OSBPL10: variants seen among roughly 807,000 people sequenced by gnomAD.
OSBPL10 encodes the protein oxysterol-binding protein-related protein 10.
Under a neutral mutation model 81.7 loss-of-function variants are expected in OSBPL10, and 49 were observed. That is an observed-to-expected ratio of 0.60 (90% CI 0.48 to 0.76). The LOEUF is 0.76. Ranked by LOEUF, OSBPL10 falls within the 30% of genes least tolerant of loss-of-function variation. The pLI is 0.00. For missense variants in OSBPL10, 923 were observed against 987.8 expected, an observed-to-expected ratio of 0.93 and a Z score of 0.88; for synonymous variants, 419 against 383.6, an observed-to-expected ratio of 1.09 and a Z score of -1.08.
At chr3:31,776,940 G>A (rs1163633427) in intron 4 of OSBPL10, among the ~76,000 whole-genome samples, 1 of 151,982 alleles carries the variant, frequency 6.6e-6, no homozygotes, top group Admixed American at 6.6e-5. Flanking sequence ...ATATTTTAGG[G>A]AATTTCACCT....
chr3:31,662,573 CATCA>C (rs1159616052), intron 11 of OSBPL10: 43 of 977,054 alleles, frequency 4.4e-5, no homozygotes, highest in Non-Finnish European at 5.1e-5. Flanking sequence ...CAAGAAACAC[CATCA>C]ATCAAATATC....
intron 1 of OSBPL10, among the ~76,000 whole-genome samples, chr3:31,937,339 C>G (rs1217840469): frequency 6.6e-6 from 1 of 151,910 alleles, no homozygotes; most frequent in Non-Finnish European, 1.5e-5. Context: ...TCATAAAGAG[C>G]CTTTTCTTGC....
At chr3:31,894,300 G>C (rs1281289737) in intron 1 of OSBPL10, among the ~76,000 whole-genome samples, 2 of 152,150 alleles carry the variant, frequency 1.3e-5, no homozygotes, top group African/African-American at 4.8e-5. Flanking sequence ...GAGGAACAAG[G>C]AGGACAAGGG....
At chr3:31,731,592 G>C (rs774615803) in intron 6 of OSBPL10, among the ~76,000 whole-genome samples, 1 of 151,658 alleles carries the variant, frequency 6.6e-6, no homozygotes, top group African/African-American at 2.4e-5. Flanking sequence ...GGGTTGAAGC[G>C]ATTCTCCTGC....
intron 6 of OSBPL10, among the ~76,000 whole-genome samples, chr3:31,730,470 T>C (rs977756566): frequency 1.3e-5 from 2 of 152,238 alleles, no homozygotes; most frequent in Non-Finnish European, 2.9e-5. Flanking sequence ...GAAAACCTTT[T>C]TCTATCTTGA....
intron 3 of OSBPL10, among the ~76,000 whole-genome samples, chr3:31,865,601 A>G (rs1042962320): frequency 1.3e-5 from 2 of 152,320 alleles, no homozygotes; most frequent in African/African-American, 4.8e-5. Context: ...TTAGGTCATG[A>G]AAGAGCTCAT....
rs144716667 is a variant in OSBPL10, at chr3:31,702,415, G to T, written c.1189C>A (p.Arg397Ser). ...ETELGVMEDQ[R>S]SIILHLISQL... The stretch of plus-strand genomic sequence containing the variant: ...GAAATGAGATGAAGAATTATACTAC[G>T]CTGATCCTCCATGACGCCCAATTCC... Residue 397 changes from arginine (R) to serine (S), a missense_variant, in exon 7 of 12, where the codon CGT (arginine) becomes AGT (serine). Around this residue, in one of 3 missense-constraint regions of OSBPL10, gnomAD observed 514 missense variants for 508.0 expected, o/e 1.01. Coordinates refer to ENST00000396556, the MANE Select transcript of OSBPL10 (RefSeq NM_017784.5). 6.2e-7 allele frequency: 1 copy of T among 1,614,122 alleles called. No homozygotes were observed. The highest frequency in any genetic ancestry group is 2.2e-5 in the East Asian group (1 of 44,880).
chr3:31,831,406 CAA>C (rs111331865), intron 3 of OSBPL10, among the ~76,000 whole-genome samples: 5 of 109,022 alleles, frequency 4.6e-5, no homozygotes, highest in Admixed American at 2.0e-4. Flanking sequence ...AACTCCGTCT[CAA>C]AAAAAAAAAA....
intron 1 of OSBPL10, among the ~76,000 whole-genome samples, chr3:31,904,836 C>A (rs576553477): frequency 1.3e-5 from 2 of 152,288 alleles, no homozygotes; most frequent in South Asian, 2.1e-4. Context: ...GTTTGGCCAG[C>A]GAGTTCAAAT....
intron 7 of OSBPL10, among the ~76,000 whole-genome samples, chr3:31,699,350 T>C (rs1020536645): frequency 2.6e-5 from 4 of 152,218 alleles, no homozygotes; most frequent in Non-Finnish European, 5.9e-5. Flanking sequence ...CTCACCAGCA[T>C]GCACAACACG....
At chr3:31,928,502 G>A (rs1349170806) in intron 1 of OSBPL10, among the ~76,000 whole-genome samples, 1 of 149,748 alleles carries the variant, frequency 6.7e-6, no homozygotes, top group East Asian at 2.0e-4. Context: ...GCCGGGCGCA[G>A]AGCGGCTCCT....
intron 11 of OSBPL10, chr3:31,662,553 T>G: frequency 1.0e-6 from 1 of 988,950 alleles, no homozygotes; most frequent in Non-Finnish European, 1.2e-6. Flanking sequence ...CACAAACAAA[T>G]CAGCACACAC....
rs374722340 is a variant in OSBPL10 at position 32,016,675 on chromosome 3, G to A, written n.298+29816C>T. On this transcript the variant is annotated intron_variant and non_coding_transcript_variant, in intron 2 of 3. Coordinates refer to the OSBPL10 transcript ENST00000479173. Reference sequence around the variant, plus strand: ...TCTCTCTTGCTGCTTTTGGTAATTAGAATAGGTTGTCAAAAAGCTAGAGCA... The same window carrying A: ...TCTCTCTTGCTGCTTTTGGTAATTAAAATAGGTTGTCAAAAAGCTAGAGCA... Among the ~76,000 whole-genome samples the A allele has an allele frequency of 5.9e-5, 9 of 152,172 alleles. 1 individual carries two copies. Among genetic ancestry groups the A allele is most frequent in the Admixed American group, 1.3e-4 (2 of 15,270 alleles).
At chr3:31,675,339 T>G (rs1700440164) in intron 8 of OSBPL10, among the ~76,000 whole-genome samples, 1 of 152,224 alleles carries the variant, frequency 6.6e-6, no homozygotes, top group African/African-American at 2.4e-5. Context: ...TTCTTCACCA[T>G]GTTTTTTCAT....
chr3:31,866,525 A>G (rs554207122), intron 3 of OSBPL10, among the ~76,000 whole-genome samples: 1 of 152,276 alleles, frequency 6.6e-6, no homozygotes, highest in East Asian at 1.9e-4. Context: ...AAGCCAGCCC[A>G]TTTCTCTACG....
At chr3:31,993,497 C>T (rs552502735) in intron 2 of OSBPL10, among the ~76,000 whole-genome samples, 24 of 152,228 alleles carry the variant, frequency 1.6e-4, no homozygotes, top group African/African-American at 3.9e-4. Context: ...CATGAGCCAC[C>T]GCGCCCAGAC....
chr3:31,804,117 G>A (rs1034056259), intron 4 of OSBPL10, among the ~76,000 whole-genome samples: 20 of 152,072 alleles, frequency 1.3e-4, no homozygotes, highest in Admixed American at 5.9e-4. Flanking sequence ...TTGCTCAATG[G>A]TGATCTTTCA....
chr3:31,962,041 G>A (rs990055006), intron 1 of OSBPL10, among the ~76,000 whole-genome samples: 2 of 151,752 alleles, frequency 1.3e-5, no homozygotes, highest in Admixed American at 6.6e-5. Flanking sequence ...TGCAACCTCT[G>A]CCTCCTAGGC....
At chr3:31,880,782 G>A (rs951539644) in intron 1 of OSBPL10, among the ~76,000 whole-genome samples, 5 of 152,112 alleles carry the variant, frequency 3.3e-5, no homozygotes, top group Non-Finnish European at 5.9e-5. Context: ...AAATTTTGAC[G>A]GTCTACAAAC....
Sources: gnomAD v4.1 joint callset for allele counts (sites outside exome capture counted in the v4.1 genomes callset) on GRCh38, gnomAD v4.1.1 for gene constraint, gnomAD v4.1.1 regional missense constraint, MANE v1.5 for transcripts, NCBI Gene and HGNC (gene_info 2026-07-23, HGNC 2026-07-21) for gene names.